Variants in SNAP91 observed in about 807,000 individuals in gnomAD.
SNAP91 encodes clathrin coat assembly protein AP180.
SNAP91 carries 27 observed loss-of-function variants against 100.3 expected under a neutral mutation model. The observed-to-expected ratio is 0.27, with a 90% CI of 0.20 to 0.37. SNAP91 has a LOEUF of 0.37. Among genes scored for constraint, SNAP91 ranks in the 10% least tolerant of loss-of-function variants. The pLI is 1.00. For synonymous variants in SNAP91, 404 were observed against 398.6 expected, an observed-to-expected ratio of 1.01 and a Z score of -0.16; for missense variants, 986 against 1,123.7, an observed-to-expected ratio of 0.88 and a Z score of 1.75.
intron 4 of SNAP91, among the ~76,000 whole-genome samples, chr6:83,661,835 T>C (rs1407204957): frequency 6.6e-6 from 1 of 152,198 alleles, no homozygotes; most frequent in Non-Finnish European, 1.5e-5. Flanking sequence ...CAGAATATGT[T>C]TTTAAATTTT....
At chr6:83,639,600 T>A (rs2097594176) in intron 8 of SNAP91, among the ~76,000 whole-genome samples, 1 of 152,126 alleles carries the variant, frequency 6.6e-6, no homozygotes, top group African/African-American at 2.4e-5. Context: ...TGTGCTAACA[T>A]GAGGTATCAA....
chr6:83,683,917 A>T (rs996627471), intron 2 of SNAP91, among the ~76,000 whole-genome samples: 1 of 152,156 alleles, frequency 6.6e-6, no homozygotes, highest in African/African-American at 2.4e-5. Flanking sequence ...CACACCACAC[A>T]GATACTACCT....
intron 24 of SNAP91, among the ~76,000 whole-genome samples, chr6:83,578,337 T>C (rs938120845): frequency 6.6e-6 from 1 of 152,170 alleles, no homozygotes; most frequent in Non-Finnish European, 1.5e-5. Flanking sequence ...TTACCAGCAA[T>C]GTCTGTGGGT....
chr6:83,607,620 T>C (rs533209180), intron 13 of SNAP91, 79 bp downstream of exon 13: 2 of 853,094 alleles, frequency 2.3e-6, no homozygotes, highest in South Asian at 2.0e-5. Context: ...GGTGAAATCA[T>C]TTGGGTACAG....
chr6:83,645,919 T>A (rs1222034679), intron 7 of SNAP91, among the ~76,000 whole-genome samples: 1 of 152,214 alleles, frequency 6.6e-6, no homozygotes, highest in Non-Finnish European at 1.5e-5. Context: ...GCTGAAAACA[T>A]GCCTTTTCAG....
intron 16 of SNAP91, among the ~76,000 whole-genome samples, chr6:83,596,185 A>G (rs1341927677): frequency 6.6e-6 from 1 of 152,150 alleles, no homozygotes; most frequent in African/African-American, 2.4e-5. Context: ...CTCCTCACGG[A>G]CTGGGATTAC....
At chr6:83,607,258 G>C (rs2095675381) in intron 13 of SNAP91, among the ~76,000 whole-genome samples, 2 of 151,508 alleles carry the variant, frequency 1.3e-5, no homozygotes, top group South Asian at 4.2e-4. Flanking sequence ...TACCCCAAAG[G>C]CCTCCTCCTA....
chr6:83,644,947 C>A (rs1365386976), intron 7 of SNAP91, among the ~76,000 whole-genome samples: 3 of 152,130 alleles, frequency 2.0e-5, no homozygotes, highest in Non-Finnish European at 4.4e-5. Flanking sequence ...TATGTAAATT[C>A]AAAATGCTAG....
chr6:83,591,109 AAAG>A, intron 22 of SNAP91, 99 bp downstream of exon 22: 6 of 762,186 alleles, frequency 7.9e-6, no homozygotes, highest in Non-Finnish European at 1.3e-5. Flanking sequence ...CTTGAAAGAA[AAAG>A]AAAACATGCA....
chr6:83,555,516 T>C (rs1776550958), intron 29 of SNAP91, among the ~76,000 whole-genome samples: 1 of 152,208 alleles, frequency 6.6e-6, no homozygotes, highest in South Asian at 2.1e-4. Context: ...TGTTCATCCA[T>C]TCAGCAAGGA....
In SNAP91 at chr6:83,582,287, G is replaced by A; in HGVS notation, c.2084C>T (p.Pro695Leu). Reference sequence around the variant, plus strand: ...TGTCCCAAAAGCTGCCTCAAAATTGGGCTGTAGCAGGTTATTCTGAGCTGG... The same window carrying A: ...TGTCCCAAAAGCTGCCTCAAAATTGAGCTGTAGCAGGTTATTCTGAGCTGG... ...VTPAQNNLLQ[P>L]NFEAAFGTTP... Residue 695 changes from proline to leucine, a missense_variant, in exon 23 of 30, where the codon CCC becomes CTC. This residue lies in a region of SNAP91 where 575 missense variants were observed against 579.9 expected (regional missense o/e 0.99). Coordinates refer to ENST00000369694, the MANE Select transcript of SNAP91 (RefSeq NM_001242792.2). 1 of 1,613,582 alleles carries A rather than the reference G, an allele frequency of 6.2e-7. No individual in the cohort carries two copies.
At chr6:83,571,780 G>C (rs1271840652) in intron 26 of SNAP91, among the ~76,000 whole-genome samples, 1 of 152,154 alleles carries the variant, frequency 6.6e-6, no homozygotes, top group Non-Finnish European at 1.5e-5. Flanking sequence ...GGAGGGGCCG[G>C]GAGCAGAATG....
chr6:83,606,753 TAA>T (rs975915145), intron 13 of SNAP91, among the ~76,000 whole-genome samples: 1 of 152,208 alleles, frequency 6.6e-6, no homozygotes, highest in Non-Finnish European at 1.5e-5. Flanking sequence ...TGCTGCTTTT[TAA>T]AAAAAGTTTC....
intron 7 of SNAP91, among the ~76,000 whole-genome samples, chr6:83,644,949 A>T (rs938407325): frequency 8.5e-5 from 13 of 152,194 alleles, no homozygotes; most frequent in African/African-American, 2.9e-4. Context: ...TGTAAATTCA[A>T]AATGCTAGTC....
chr6:83,686,970 AT>A (rs1304853913), intron 2 of SNAP91: 1 of 152,200 alleles, frequency 6.6e-6, no homozygotes, highest in Admixed American at 6.5e-5. Flanking sequence ...TTGGATAATA[AT>A]TTTTATATAA....
At position 83,554,159 on chromosome 6, in the gene SNAP91, C is replaced by T. The variant is rs1324243699; in HGVS notation, c.*137G>A. 1 of 178,320 alleles carries T rather than the reference C, an allele frequency of 5.6e-6. No individual in the cohort carries two copies. The highest frequency in any genetic ancestry group is 2.4e-5 in the African/African-American group (1 of 41,730). The allele number at this position is 178,320 out of a possible 1,614,324, so 11.0% of individuals were successfully genotyped here. ...TGTTCACTTTCACGGCTGTGTTACACATTTTGGAAGAGAAGTTATGAGTAA... is the reference window on the plus strand; with the variant it reads ...TGTTCACTTTCACGGCTGTGTTACATATTTTGGAAGAGAAGTTATGAGTAA... On this transcript the variant is annotated 3_prime_UTR_variant, in exon 30 of 30. Coordinates refer to ENST00000369694, the MANE Select transcript of SNAP91 (RefSeq NM_001242792.2).
chr6:83,592,512 C>A lies in SNAP91; in HGVS notation c.1873G>T (p.Ala625Ser). Residue 625 changes from alanine (A) to serine (S), a missense_variant, in exon 21 of 30, where the codon GCA becomes TCA. This residue lies in a region of SNAP91 where 575 missense variants were observed against 579.9 expected (regional missense o/e 0.99). Transcript: ENST00000369694. ...ACCTTTGCTGGCGAGGCAGTGGTTG[C>A]AGGAGATGGTGCTGCAAATGCATCC... is the stretch of plus-strand genomic sequence containing the variant. ...SVDAFAAPSP[A>S]TTASPAKVDS... 4 of 1,610,344 alleles carry A rather than the reference C, an allele frequency of 2.5e-6. No homozygotes were observed. The highest frequency in any genetic ancestry group is 3.4e-6 in the Non-Finnish European group (4 of 1,178,330).
intron 2 of SNAP91, chr6:83,678,967 TG>T: frequency 1.1e-6 from 1 of 914,166 alleles, no homozygotes; most frequent in Non-Finnish European, 1.4e-6. Flanking sequence ...AAAATACAGC[TG>T]GCCTTCTATA....
chr6:83,640,563 C>T (rs1455225435), intron 8 of SNAP91, among the ~76,000 whole-genome samples: 1 of 152,098 alleles, frequency 6.6e-6, no homozygotes, highest in African/African-American at 2.4e-5. Flanking sequence ...CATAGTTACA[C>T]AGGTATTCTA....
Sources: allele counts gnomAD v4.1 joint callset (sites outside exome capture counted in the v4.1 genomes callset), GRCh38; gene constraint gnomAD v4.1.1; regional missense constraint gnomAD v4.1.1; transcripts MANE v1.5; gene names NCBI Gene and HGNC (gene_info 2026-07-23, HGNC 2026-07-21).